The following HIVEP3 variants were observed in gnomAD, a reference collection of about 807,000 sequenced individuals.
The protein encoded by HIVEP3 is transcription factor HIVEP3.
A neutral mutation model predicts 152.8 loss-of-function variants in HIVEP3; 49 were observed. That is an observed-to-expected ratio of 0.32 (90% CI 0.26 to 0.41). The LOEUF is 0.41. HIVEP3 is among the 10% of genes least tolerant of loss of function. The probability of loss-of-function intolerance (pLI) is 1.00; values close to 1 mark genes in which losing one functional copy is unlikely to be tolerated. For missense variants in HIVEP3, 2,790 were observed against 3,103.3 expected, an observed-to-expected ratio of 0.90 and a Z score of 2.40; for synonymous variants, 1,269 against 1,289.0, an observed-to-expected ratio of 0.98 and a Z score of 0.33.
chr1:41,778,479 C>A (rs1648847448), intron 1 of HIVEP3, among the ~76,000 whole-genome samples: 1 of 152,208 alleles, frequency 6.6e-6, no homozygotes, highest in Non-Finnish European at 1.5e-5. Flanking sequence ...GGGAGTGCAG[C>A]TGGGACTCAC....
In HIVEP3 at chr1:41,580,045, C is replaced by G; in HGVS notation, c.4753G>C (p.Glu1585Gln). The change falls in exon 4 of 9, where the codon GAA becomes CAA. Residue 1585 changes from glutamate (E) to glutamine (Q), a missense_variant. By Grantham distance (29) the Glu-to-Gln change is conservative. This residue lies in a region of HIVEP3 where 1,078 missense variants were observed against 1,165.3 expected (regional missense o/e 0.93). Coordinates refer to ENST00000372583, the MANE Select transcript of HIVEP3 (RefSeq NM_024503.5). ...AGTACCTTCTTTGAGTCCGTACCTT[C>G]TTGTGACTTGGCTGGTCTGGAGGAC... is the stretch of plus-strand genomic sequence containing the variant. ...ETSSRPAKSQ[E>Q]GTDSKKVLQF... 6.2e-7 allele frequency: 1 copy of G among 1,614,234 alleles called. No individual in the cohort carries two copies. Among genetic ancestry groups the G allele is most frequent in the Non-Finnish European group, 8.5e-7 (1 of 1,180,044 alleles).
chr1:41,959,787 G>A (rs755752799), intron 1 of HIVEP3, among the ~76,000 whole-genome samples: 3 of 152,108 alleles, frequency 2.0e-5, no homozygotes, highest in East Asian at 3.9e-4. Context: ...TATGCTCCAC[G>A]GGGCTAGAGA....
intron 1 of HIVEP3, among the ~76,000 whole-genome samples, chr1:41,938,464 A>G (rs186815577): frequency 2.6e-4 from 40 of 152,316 alleles, no homozygotes; most frequent in Admixed American, 3.9e-4. Context: ...GGTCAGGGGA[A>G]GATGAAGTAA....
At chr1:41,997,117 T>C (rs183758208) in intron 1 of HIVEP3, among the ~76,000 whole-genome samples, 46 of 152,344 alleles carry the variant, frequency 3.0e-4, no homozygotes, top group African/African-American at 1.0e-3. Flanking sequence ...GATGTGAACA[T>C]CTATGGCAGG....
chr1:41,804,730 T>C (rs997085381), intron 1 of HIVEP3, among the ~76,000 whole-genome samples: 2 of 152,012 alleles, frequency 1.3e-5, no homozygotes, highest in African/African-American at 4.8e-5. Context: ...TCTAGAAAAA[T>C]CTACATGTAT....
At position 41,817,246 on chromosome 1, in the gene HIVEP3, A is replaced by G. The variant is rs1642435410; in HGVS notation, c.-801+101167T>C. ...TTAGACCACATTTTTCGGCCATGAG[A>G]AATGGCTATATAAAAGTAGCTAGGT... On this transcript the variant is annotated intron_variant, in intron 1 of 8. Transcript: ENST00000372583. 2.0e-5 allele frequency among the ~76,000 whole-genome samples: 3 copies of G among 152,188 alleles called. No individual in the cohort carries two copies. In the South Asian group the frequency reaches 6.2e-4, roughly 32 times the overall value.
chr1:41,732,909 C>T (rs540448419), intron 1 of HIVEP3, among the ~76,000 whole-genome samples: 1 of 152,246 alleles, frequency 6.6e-6, no homozygotes, highest in African/African-American at 2.4e-5. Context: ...GCAGGAGCAT[C>T]CCCAGCCTGC....
intron 5 of HIVEP3, among the ~76,000 whole-genome samples, chr1:41,567,645 G>A (rs1644186861): frequency 6.6e-6 from 1 of 152,232 alleles, no homozygotes; most frequent in South Asian, 2.1e-4. Context: ...GAGAACGTAG[G>A]ACCCATTTTC....
chr1:41,820,211 C>T (rs1642552256), intron 1 of HIVEP3, among the ~76,000 whole-genome samples: 2 of 152,118 alleles, frequency 1.3e-5, no homozygotes, highest in Non-Finnish European at 2.9e-5. Context: ...CGTATCTGTC[C>T]ATTTCTACTT....
At position 41,614,734 on chromosome 1, in the gene HIVEP3, C is replaced by T. The variant is rs192359594; in HGVS notation, c.-522+14015G>A. Among the ~76,000 whole-genome samples the T allele has an allele frequency of 2.6e-5, 4 of 152,194 alleles. No homozygotes were observed. The East Asian group carries it at 7.7e-4, about 29-fold the overall frequency. On this transcript the variant is annotated intron_variant, in intron 3 of 8. Coordinates refer to ENST00000372583, the MANE Select transcript of HIVEP3 (RefSeq NM_024503.5). Reference sequence around the variant, plus strand: ...AAGATGGGTAAGTCACTTAGAAGGCCCCACATGGTAGCTCTCTTGGGGCCA... The same window carrying T: ...AAGATGGGTAAGTCACTTAGAAGGCTCCACATGGTAGCTCTCTTGGGGCCA...
intron 2 of HIVEP3, among the ~76,000 whole-genome samples, chr1:41,630,750 C>A (rs1265144695): frequency 2.0e-5 from 3 of 152,152 alleles, no homozygotes; most frequent in Middle Eastern, 3.2e-3. Context: ...GAGAATCCAG[C>A]CACTCTGTAC....
chr1:41,762,048 T>C (rs1397078510), intron 1 of HIVEP3, among the ~76,000 whole-genome samples: 1 of 152,216 alleles, frequency 6.6e-6, no homozygotes, highest in Non-Finnish European at 1.5e-5. Context: ...CCTTCCCTAA[T>C]TGGTTTTTTA....
Position 41,870,508 on chromosome 1 carries a change from C to T in HIVEP3, c.-801+47905G>A, listed in dbSNP as rs557042882. On this transcript the variant is annotated intron_variant, in intron 1 of 8. Coordinates refer to ENST00000372583, the MANE Select transcript of HIVEP3 (RefSeq NM_024503.5). The stretch of plus-strand genomic sequence containing the variant: ...GACACAGTACGTGCAACATGGTAGG[C>T]ATCCTGTCCATACTGGCCGGGTGAA... 6.6e-5 allele frequency among the ~76,000 whole-genome samples: 10 copies of T among 152,318 alleles called. No individual in the cohort carries two copies. In the East Asian group the frequency reaches 1.5e-3, roughly 24 times the overall value.
chr1:41,530,772 C>T (rs528005686), intron 5 of HIVEP3, among the ~76,000 whole-genome samples: 248 of 152,302 alleles, frequency 1.6e-3, no homozygotes, highest in Non-Finnish European at 2.8e-3. Context: ...TCCATCTGCC[C>T]CAGCTGCTCT....
chr1:41,543,640 T>A (rs1230181918), intron 5 of HIVEP3: 1 of 152,202 alleles, frequency 6.6e-6, no homozygotes, highest in Non-Finnish European at 1.5e-5. Flanking sequence ...GGGCTCCTTA[T>A]TTAGGTCCTT....
At chr1:41,724,175 C>T (rs1374946539) in intron 1 of HIVEP3, among the ~76,000 whole-genome samples, 5 of 152,232 alleles carry the variant, frequency 3.3e-5, no homozygotes, top group Non-Finnish European at 7.3e-5. Flanking sequence ...CCACTATCCA[C>T]TGTCACCTTC....
rs1409579490 is a variant in HIVEP3 at position 41,508,872 on chromosome 1, GCCTCAACCGTAGTC to G, written c.*1565_*1578del. On this transcript the variant is annotated 3_prime_UTR_variant, in exon 9 of 9. Transcript: ENST00000372583. ...GTGGCATCAAACCCAGCCTTCACGGGCCTCAACCGTAGTCCCTGTGCTGCCCTCCCTTGTAGAAA... is the reference window on the plus strand; with the variant it reads ...GTGGCATCAAACCCAGCCTTCACGGGCCTGTGCTGCCCTCCCTTGTAGAAA... 6.6e-6 allele frequency: 1 copy of G among 152,248 alleles called. No homozygotes were observed. The allele number at this position is 152,248 out of a possible 1,614,324, so 9.4% of individuals were successfully genotyped here. A position where few individuals can be genotyped will look rare whatever the true frequency, so the allele number is the denominator to read the frequency against.
chr1:41,938,986 C>G (rs1448810757), intron 1 of HIVEP3, among the ~76,000 whole-genome samples: 1 of 152,112 alleles, frequency 6.6e-6, no homozygotes, highest in Non-Finnish European at 1.5e-5. Context: ...CATTCTTGTT[C>G]TCACACATGA....
At chr1:42,000,194 T>C (rs348143) in intron 1 of HIVEP3, among the ~76,000 whole-genome samples, 11,301 of 152,252 alleles carry the variant, frequency 0.074, 1,427 homozygotes, top group African/African-American at 0.26. Context: ...TTTCCTACCA[T>C]AGATACTCTT....
Sources: gnomAD v4.1 joint callset for allele counts (sites outside exome capture counted in the v4.1 genomes callset) on GRCh38, gnomAD v4.1.1 for gene constraint, gnomAD v4.1.1 regional missense constraint, MANE v1.5 for transcripts, NCBI Gene and HGNC (gene_info 2026-07-23, HGNC 2026-07-21) for gene names.